PCDH15: variants seen among roughly 807,000 people sequenced by gnomAD.
The protein encoded by PCDH15 is protocadherin related 15.
PCDH15 carries 129 observed loss-of-function variants against 178.5 expected under a neutral mutation model. The observed-to-expected ratio is 0.72, with a 90% confidence interval of 0.63 to 0.84. The LOEUF is 0.84. Among genes scored for constraint, PCDH15 ranks in the 40% least tolerant of loss-of-function variants. The probability of loss-of-function intolerance (pLI) is 0.00; values close to 1 mark genes in which losing one functional copy is unlikely to be tolerated. For synonymous variants in PCDH15, 800 were observed against 732.0 expected (o/e 1.09, Z -1.50); for missense variants, 2,230 against 2,099.9 (o/e 1.06, Z -1.21).
chr10:54,397,907 TA>T (rs919283393), intron 3 of PCDH15, among the ~76,000 whole-genome samples: 9 of 151,796 alleles, frequency 5.9e-5, no homozygotes, highest in African/African-American at 2.2e-4. Context: ...TCTTAAAAAA[TA>T]GGGGCAGGTT....
chr10:54,353,511 A>G (rs1588986552), intron 5 of PCDH15, among the ~76,000 whole-genome samples: 1 of 152,288 alleles, frequency 6.6e-6, no homozygotes, highest in Admixed American at 6.5e-5. Flanking sequence ...ACACTGTAAA[A>G]TTTCCTAATA....
intron 13 of PCDH15, among the ~76,000 whole-genome samples, chr10:54,169,750 T>A (rs2046674449): frequency 6.6e-6 from 1 of 151,978 alleles, no homozygotes; most frequent in African/African-American, 2.4e-5. Context: ...CGACATCCCA[T>A]CCCGCAGCAC....
chr10:55,173,673 G>A (rs1839403655), intron 1 of PCDH15, among the ~76,000 whole-genome samples: 2 of 151,958 alleles, frequency 1.3e-5, no homozygotes, highest in Non-Finnish European at 2.9e-5. Flanking sequence ...CAGTATTCAT[G>A]TTGTTTACAT....
At chr10:55,601,376 A>G (rs963709173) in intron 2 of PCDH15, among the ~76,000 whole-genome samples, 3 of 152,232 alleles carry the variant, frequency 2.0e-5, no homozygotes, top group Admixed American at 2.0e-4. Context: ...CGAGGTAATC[A>G]AAGTCACATT....
intron 3 of PCDH15, among the ~76,000 whole-genome samples, chr10:54,826,758 G>A (rs1166970996): frequency 4.6e-5 from 7 of 152,006 alleles, no homozygotes; most frequent in East Asian, 1.9e-4. Context: ...AGGATGGGAC[G>A]TTAAAAGTTT....
intron 15 of PCDH15, among the ~76,000 whole-genome samples, chr10:54,095,395 G>T (rs1056911636): frequency 6.6e-6 from 1 of 151,462 alleles, no homozygotes; most frequent in Admixed American, 6.6e-5. Context: ...GTAAGTAAAA[G>T]GTCAGTTCAT....
intron 3 of PCDH15, among the ~76,000 whole-genome samples, chr10:54,456,197 C>T (rs2076810000): frequency 6.6e-6 from 1 of 152,120 alleles, no homozygotes; most frequent in African/African-American, 2.4e-5. Context: ...ACAGCTTGCA[C>T]TGTGCACCTG....
chr10:54,488,387 T>C (rs2079286730), intron 3 of PCDH15, among the ~76,000 whole-genome samples: 1 of 151,810 alleles, frequency 6.6e-6, no homozygotes, highest in Admixed American at 6.6e-5. Flanking sequence ...TTACATGTTA[T>C]AGAGTAGCAA....
chr10:54,500,444 A>G (rs1362339332), intron 3 of PCDH15, among the ~76,000 whole-genome samples: 1 of 152,134 alleles, frequency 6.6e-6, no homozygotes, highest in Non-Finnish European at 1.5e-5. Flanking sequence ...TGAACCTAAA[A>G]GTTGAGAATA....
At chr10:55,542,663 A>C (rs1841794841) in intron 2 of PCDH15, among the ~76,000 whole-genome samples, 3 of 117,156 alleles carry the variant, frequency 2.6e-5, no homozygotes, top group African/African-American at 9.5e-5. Flanking sequence ...ATATAGGTAC[A>C]TACAGACATA....
intron 26 of PCDH15, among the ~76,000 whole-genome samples, chr10:53,899,517 C>T (rs1239659260): frequency 6.6e-6 from 1 of 152,140 alleles, no homozygotes; most frequent in Non-Finnish European, 1.5e-5. Context: ...CACATTTCTT[C>T]TTTCCCTTCT....
intron 1 of PCDH15, among the ~76,000 whole-genome samples, chr10:54,750,514 T>A (rs2132963089): frequency 6.6e-6 from 1 of 152,208 alleles, no homozygotes; most frequent in Non-Finnish European, 1.5e-5. Context: ...TTAACTTCAC[T>A]GTACTATACA....
chr10:55,453,159 G>A (rs1839472598), intron 2 of PCDH15, among the ~76,000 whole-genome samples: 1 of 152,080 alleles, frequency 6.6e-6, no homozygotes, highest in Non-Finnish European at 1.5e-5. Context: ...TCCCTATGAA[G>A]CATTTAGCCC....
intron 1 of PCDH15, among the ~76,000 whole-genome samples, chr10:55,255,987 C>A (rs1024473657): frequency 6.6e-6 from 1 of 152,200 alleles, no homozygotes; most frequent in East Asian, 1.9e-4. Context: ...GCTTTTGTTG[C>A]CATTGCTTTT....
intron 17 of PCDH15, among the ~76,000 whole-genome samples, chr10:54,074,059 C>A (rs559335830): frequency 6.6e-6 from 1 of 152,084 alleles, no homozygotes; most frequent in Non-Finnish European, 1.5e-5. Context: ...AGAGAATTGA[C>A]GTCTAGAGTT....
intron 2 of PCDH15, among the ~76,000 whole-genome samples, chr10:54,663,784 C>G (rs2135417458): frequency 6.6e-6 from 1 of 150,602 alleles, no homozygotes; most frequent in Admixed American, 6.6e-5. Context: ...CTGACCCTTT[C>G]AGGGGGTCAA....
intron 18 of PCDH15, among the ~76,000 whole-genome samples, chr10:54,027,458 AC>A (rs745540044): frequency 1.5e-4 from 23 of 152,084 alleles, no homozygotes; most frequent in Non-Finnish European, 2.6e-4. Flanking sequence ...TTCATATGGA[AC>A]CAAAATAGAG....
At position 53,840,428 on chromosome 10, in the gene PCDH15, C is replaced by G. The variant is rs781125903; in HGVS notation, c.3875G>C (p.Arg1292Pro). Residue 1292 changes from arginine to proline, a missense_variant, in exon 29 of 38, where the codon CGC becomes CCC. Coordinates refer to ENST00000644397, the MANE Select transcript of PCDH15 (RefSeq NM_001384140.1). ...AKVVVESIGA[R>P]RHGDAFSLED... ...TAGGGAAAAGGCATCTCCATGCCGG[C>G]GAGCTCCAATGGACTCCACTACGAC... The G allele has an allele frequency of 2.1e-5, 34 of 1,613,862 alleles. No homozygotes were observed. Among genetic ancestry groups the G allele is most frequent in the Non-Finnish European group, 2.9e-5 (34 of 1,179,900 alleles).
chr10:54,636,797 T>G (rs999045271), intron 2 of PCDH15, among the ~76,000 whole-genome samples: 2 of 152,002 alleles, frequency 1.3e-5, no homozygotes, highest in Non-Finnish European at 2.9e-5. Context: ...TTCTTTATTT[T>G]TATAACTTAT....
Sources: allele counts gnomAD v4.1 joint callset (sites outside exome capture counted in the v4.1 genomes callset), GRCh38; gene constraint gnomAD v4.1.1; transcripts MANE v1.5; gene names NCBI Gene and HGNC (gene_info 2026-07-23, HGNC 2026-07-21).